GPHN: variants seen among roughly 807,000 people sequenced by gnomAD.
The protein encoded by GPHN is gephyrin.
GPHN carries 17 observed loss-of-function variants against 95.5 expected under a neutral mutation model. The ratio of observed to expected loss-of-function variants is 0.18; its 90% CI spans 0.12 to 0.27. The LOEUF is 0.27. Ranked by LOEUF, GPHN falls within the 10% of genes least tolerant of loss-of-function variation. GPHN has a pLI of 1.00. For missense variants in GPHN, 660 were observed against 978.1 expected (o/e 0.67, Z 4.34); for synonymous variants, 320 against 322.5 (o/e 0.99, Z 0.08).
At chr14:66,656,904 G>A (rs188612403) in intron 1 of GPHN, among the ~76,000 whole-genome samples, 1 of 152,230 alleles carries the variant, frequency 6.6e-6, no homozygotes, top group Admixed American at 6.5e-5. Context: ...CCCTTTAAGT[G>A]TTAAAGTGAA....
At chr14:67,030,096 A>G (rs191200057) in intron 10 of GPHN, among the ~76,000 whole-genome samples, 1 of 152,036 alleles carries the variant, frequency 6.6e-6, no homozygotes, top group Admixed American at 6.5e-5. Context: ...ACCATCTATT[A>G]ACAAGTCTTT....
In GPHN at chr14:66,801,391, C is replaced by T. The variant is rs558058761; in HGVS notation, c.202-23083C>T. ...AGGACCTGAGTGTTATAAGCTTTAG[C>T]GGGCATCCCAAGCCCAGTAACGCTG... On this transcript the variant is annotated intron_variant, in intron 3 of 22. Transcript: ENST00000478722. Among the ~76,000 whole-genome samples the T allele has an allele frequency of 5.3e-5, 8 of 152,090 alleles. No homozygotes were observed. In the East Asian group the frequency reaches 7.7e-4, roughly 15 times the overall value.
intron 4 of GPHN, among the ~76,000 whole-genome samples, chr14:66,876,274 C>T (rs958984657): frequency 4.6e-5 from 7 of 152,162 alleles, no homozygotes; most frequent in African/African-American, 1.7e-4. Flanking sequence ...ATTCATAGCA[C>T]TAAATGCCCA....
chr14:67,489,779 AG>A, the GPHN span, among the ~76,000 whole-genome samples: 1 of 152,178 alleles, frequency 6.6e-6, no homozygotes, highest in South Asian at 2.1e-4. Context: ...TCACGAGGTC[AG>A]GAGATCGAGA....
At chr14:67,474,006 G>T in the GPHN span, 1 of 1,449,172 alleles carries the variant, frequency 6.9e-7, no homozygotes, top group Non-Finnish European at 9.1e-7. Flanking sequence ...TAATCCCTGC[G>T]CTTTGGGAGG....
chr14:67,576,442 C>T, the GPHN span: 1 of 1,611,130 alleles, frequency 6.2e-7, no homozygotes, highest in Non-Finnish European at 8.5e-7. This position sits in a 1 kb window ranked among gnomAD's most constrained non-coding sequence, Gnocchi z 4.0. Context: ...GCAGCAGTGC[C>T]AAGGTGGGCA....
the GPHN span, chr14:67,724,354 C>T: frequency 2.2e-5 from 18 of 804,750 alleles, no homozygotes; most frequent in African/African-American, 2.8e-4. Flanking sequence ...AGTCTCCTGA[C>T]TGCAACTTAA....
At chr14:67,277,676 A>G in the GPHN span, among the ~76,000 whole-genome samples, 2 of 152,198 alleles carry the variant, frequency 1.3e-5, no homozygotes, top group African/African-American at 4.8e-5. Flanking sequence ...TGCCTGAGAA[A>G]TAGCTTGATG....
chr14:67,092,695 G>A (rs956834800), intron 12 of GPHN, among the ~76,000 whole-genome samples: 2 of 152,154 alleles, frequency 1.3e-5, no homozygotes, highest in East Asian at 1.9e-4. Flanking sequence ...AGAATAGAAT[G>A]TAAAGAAGGC....
chr14:67,006,053 A>G (rs1305971036), intron 9 of GPHN, among the ~76,000 whole-genome samples: 2 of 132,374 alleles, frequency 1.5e-5, no homozygotes, highest in Non-Finnish European at 3.0e-5. Flanking sequence ...AAGGGAGGCA[A>G]TTACCATAGT....
At chr14:67,261,136 A>C in the GPHN span, among the ~76,000 whole-genome samples, 1 of 152,218 alleles carries the variant, frequency 6.6e-6, no homozygotes, top group South Asian at 2.1e-4. Flanking sequence ...TGAATGGTAC[A>C]TAGTAAATTC....
At chr14:66,784,252 C>T (rs1474163140) in intron 3 of GPHN, among the ~76,000 whole-genome samples, 3 of 152,188 alleles carry the variant, frequency 2.0e-5, no homozygotes, top group East Asian at 1.9e-4. Context: ...GGGCAACAGA[C>T]GGAAGTGGCA....
chr14:66,946,838 A>G (rs1349627318), intron 8 of GPHN, among the ~76,000 whole-genome samples: 2 of 152,170 alleles, frequency 1.3e-5, no homozygotes, highest in Non-Finnish European at 2.9e-5. Context: ...ACTCTTCTAG[A>G]TTCACTTGGC....
chr14:67,686,638 C>CAA, the GPHN span, among the ~76,000 whole-genome samples: 4 of 80,206 alleles, frequency 5.0e-5, no homozygotes, highest in African/African-American at 2.0e-4. Flanking sequence ...GACACCGGTG[C>CAA]AAAAAAAAAA....
At chr14:67,382,226 A>G in the GPHN span, among the ~76,000 whole-genome samples, 1 of 151,838 alleles carries the variant, frequency 6.6e-6, no homozygotes. Context: ...TGTTTATACT[A>G]TTGCATTAGA....
At chr14:67,508,872 G>C in the GPHN span, among the ~76,000 whole-genome samples, 7 of 151,564 alleles carry the variant, frequency 4.6e-5, no homozygotes, top group African/African-American at 1.5e-4. Context: ...TATTTTCTCA[G>C]AAGAACAGAA....
At chr14:67,585,752 G>A in the GPHN span, 2 of 1,054,684 alleles carry the variant, frequency 1.9e-6, no homozygotes, top group Admixed American at 4.4e-5. Context: ...AAGTGACCAT[G>A]GCTGCCCTAC....
Position 66,893,389 on chromosome 14 carries a change from A to T in GPHN, c.389+13356A>T, listed in dbSNP as rs112301551. Among the ~76,000 whole-genome samples, 28 of 152,268 alleles carry T rather than the reference A, an allele frequency of 1.8e-4. 1 individual carries two copies. The highest frequency in any genetic ancestry group is 1.2e-3 in the Admixed American group (18 of 15,294). ...GGGTGAGGCATTGCTATTTATGACA[A>T]ACCCACAGCCAGTATCATACTGAAT... On this transcript the variant is annotated intron_variant, in intron 5 of 22. Coordinates refer to ENST00000478722, the MANE Select transcript of GPHN (RefSeq NM_020806.5).
intron 17 of GPHN, among the ~76,000 whole-genome samples, chr14:67,135,016 A>G (rs1310609138): frequency 5.7e-5 from 7 of 123,486 alleles, no homozygotes; most frequent in East Asian, 2.2e-4. Context: ...CTGGAGTGCA[A>G]TGGCACAATC....
Sources: allele counts gnomAD v4.1 joint callset (sites outside exome capture counted in the v4.1 genomes callset), GRCh38; gene constraint gnomAD v4.1.1; non-coding constraint Gnocchi (gnomAD v3.1); transcripts MANE v1.5; gene names NCBI Gene and HGNC (gene_info 2026-07-23, HGNC 2026-07-21).